Variants in TBC1D5 observed in about 807,000 individuals in gnomAD.
TBC1D5 encodes TBC1 domain family, member 5.
Under a neutral mutation model 100.3 loss-of-function variants are expected in TBC1D5, and 75 were observed. The observed-to-expected ratio is 0.75, with a 90% CI of 0.62 to 0.91. The LOEUF (loss-of-function observed/expected upper bound fraction) is 0.91. Among genes scored for constraint, TBC1D5 ranks in the 40% least tolerant of loss-of-function variants. The pLI, the probability that TBC1D5 is intolerant of heterozygous loss-of-function variation, is 0.00. For synonymous variants in TBC1D5, 323 were observed against 325.6 expected (o/e 0.99, Z 0.09); for missense variants, 910 against 942.4 (o/e 0.97, Z 0.45).
At chr3:17,329,944 A>C (rs1014634221) in intron 13 of TBC1D5, among the ~76,000 whole-genome samples, 3 of 152,220 alleles carry the variant, frequency 2.0e-5, no homozygotes, top group Non-Finnish European at 4.4e-5. Flanking sequence ...GGAGAAACTT[A>C]AGAATATTAG....
chr3:17,433,610 T>C (rs577232036), intron 3 of TBC1D5, among the ~76,000 whole-genome samples: 5 of 152,294 alleles, frequency 3.3e-5, no homozygotes, highest in South Asian at 2.1e-4. Context: ...TATTTCAATA[T>C]GAGATTTGGG....
intron 15 of TBC1D5, among the ~76,000 whole-genome samples, chr3:17,267,465 C>A (rs573930484): frequency 2.0e-5 from 3 of 152,024 alleles, no homozygotes; most frequent in African/African-American, 7.2e-5. Context: ...GAGCGGTTCC[C>A]AATCTTTGTT....
chr3:17,232,428 A>T (rs569182476), intron 17 of TBC1D5, among the ~76,000 whole-genome samples: 39 of 151,838 alleles, frequency 2.6e-4, no homozygotes, highest in African/African-American at 8.5e-4. Flanking sequence ...TCCATATCAG[A>T]TGATCACATT....
intron 17 of TBC1D5, among the ~76,000 whole-genome samples, chr3:17,225,975 G>C (rs1202347177): frequency 6.6e-6 from 1 of 151,982 alleles, no homozygotes; most frequent in Non-Finnish European, 1.5e-5. Flanking sequence ...TTATATAAGA[G>C]ACTTGAGCAT....
intron 2 of TBC1D5, among the ~76,000 whole-genome samples, chr3:17,546,387 T>G (rs368801678): frequency 6.6e-6 from 1 of 152,162 alleles, no homozygotes; most frequent in South Asian, 2.1e-4. Context: ...AACTTTGAAT[T>G]TCTTACCATT....
chr3:17,221,191 T>A (rs2074244993), intron 17 of TBC1D5, among the ~76,000 whole-genome samples: 1 of 118,392 alleles, frequency 8.4e-6, no homozygotes, highest in Non-Finnish European at 1.8e-5. Context: ...CAGAAGAGAC[T>A]TTGCAGGTGT....
chr3:17,594,059 TC>T (rs1453152476), intron 2 of TBC1D5, among the ~76,000 whole-genome samples: 1 of 152,164 alleles, frequency 6.6e-6, no homozygotes, highest in Non-Finnish European at 1.5e-5. Flanking sequence ...AAATCATAGT[TC>T]CAGAGGTAGG....
chr3:17,565,760 C>G (rs945796287), intron 2 of TBC1D5, among the ~76,000 whole-genome samples: 19 of 151,960 alleles, frequency 1.3e-4, no homozygotes, highest in Admixed American at 7.9e-4. Flanking sequence ...AAAATTAGTG[C>G]ATGTTACATT....
At chr3:17,510,316 TTA>T (rs1257310315) in intron 2 of TBC1D5, among the ~76,000 whole-genome samples, 1 of 152,018 alleles carries the variant, frequency 6.6e-6, no homozygotes, top group African/African-American at 2.4e-5. Flanking sequence ...GTTCTAATTT[TTA>T]TCAGAAGTCT....
chr3:17,458,727 A>C (rs2095142646), intron 3 of TBC1D5, among the ~76,000 whole-genome samples: 1 of 152,156 alleles, frequency 6.6e-6, no homozygotes, highest in African/African-American at 2.4e-5. Context: ...CTTGATTTTC[A>C]GCTTTTCATT....
intron 1 of TBC1D5, among the ~76,000 whole-genome samples, chr3:17,651,097 A>G (rs1003602890): frequency 2.0e-5 from 3 of 152,178 alleles, no homozygotes; most frequent in African/African-American, 4.8e-5. Context: ...AAACTTAGCT[A>G]AAGTTGTTAT....
intron 3 of TBC1D5, among the ~76,000 whole-genome samples, chr3:17,507,815 C>A (rs558477677): frequency 3.9e-5 from 6 of 152,214 alleles, no homozygotes; most frequent in African/African-American, 1.2e-4. Flanking sequence ...AAAATTCTCA[C>A]AAACTCAATT....
chr3:17,506,834 A>G (rs1576414479), intron 3 of TBC1D5, among the ~76,000 whole-genome samples: 1 of 152,016 alleles, frequency 6.6e-6, no homozygotes, highest in African/African-American at 2.4e-5. Context: ...AAAAACAAAC[A>G]GCAACCCCGT....
intron 13 of TBC1D5, among the ~76,000 whole-genome samples, chr3:17,312,890 T>C (rs906639906): frequency 4.6e-5 from 7 of 152,208 alleles, no homozygotes; most frequent in Non-Finnish European, 1.0e-4. Flanking sequence ...GTACAGAAGA[T>C]GACCATAATA....
intron 18 of TBC1D5, among the ~76,000 whole-genome samples, chr3:17,197,612 TCCTC>T (rs2070874028): frequency 6.6e-6 from 1 of 152,046 alleles, no homozygotes; most frequent in Non-Finnish European, 1.5e-5. Flanking sequence ...CCTCAAGCAA[TCCTC>T]CCACCTCAGC....
At chr3:17,218,234 T>C (rs769775251) in intron 17 of TBC1D5, among the ~76,000 whole-genome samples, 2 of 152,072 alleles carry the variant, frequency 1.3e-5, no homozygotes, top group Non-Finnish European at 2.9e-5. Flanking sequence ...AAAATAACTA[T>C]ATAACAAGTT....
chr3:17,716,768 T>C (rs4908963), intron 1 of TBC1D5, among the ~76,000 whole-genome samples: 79,062 of 151,990 alleles, frequency 0.52, 22,219 homozygotes, highest in East Asian at 0.98. Flanking sequence ...CTCACTGCCA[T>C]AGAATATTTC....
chr3:17,476,036 CT>C (rs2095434441), intron 3 of TBC1D5, among the ~76,000 whole-genome samples: 3 of 151,902 alleles, frequency 2.0e-5, no homozygotes, highest in Non-Finnish European at 2.9e-5. Flanking sequence ...AAATATAGGC[CT>C]TTTTCATGCC....
At chr3:17,417,874 T>G (rs1380392404) in intron 4 of TBC1D5, among the ~76,000 whole-genome samples, 1 of 121,794 alleles carries the variant, frequency 8.2e-6, no homozygotes, top group East Asian at 1.9e-4. Context: ...ACTTTAAGAT[T>G]TAGAAGTATT....
Sources: allele counts gnomAD v4.1 joint callset (sites outside exome capture counted in the v4.1 genomes callset), GRCh38; gene constraint gnomAD v4.1.1; transcripts MANE v1.5; gene names NCBI Gene and HGNC (gene_info 2026-07-23, HGNC 2026-07-21).